GRAMD2B: variants seen among roughly 807,000 people sequenced by gnomAD.
GRAMD2B encodes the protein GRAM domain-containing protein 2B.
In GRAMD2B, 41 loss-of-function variants were observed where a neutral mutation model predicts 59.2. The ratio of observed to expected loss-of-function variants is 0.69; its 90% CI spans 0.54 to 0.90. The LOEUF is 0.90. GRAMD2B is among the 40% of genes least tolerant of loss of function. The probability of loss-of-function intolerance (pLI) is 0.00; values close to 1 mark genes in which losing one functional copy is unlikely to be tolerated. For missense variants in GRAMD2B, 424 were observed against 500.5 expected (o/e 0.85, Z 1.46); for synonymous variants, 161 against 182.7 (o/e 0.88, Z 0.96).
chr5:126,368,742 C>G (rs1237737976), upstream of GRAMD2B, among the ~76,000 whole-genome samples: 7 of 152,188 alleles, frequency 4.6e-5, no homozygotes, highest in Non-Finnish European at 7.3e-5. Flanking sequence ...GAAAATCTCA[C>G]CTTTGACACA....
At chr5:126,486,100 T>G (rs1291697248) in intron 11 of GRAMD2B, among the ~76,000 whole-genome samples, 1 of 152,228 alleles carries the variant, frequency 6.6e-6, no homozygotes, top group Non-Finnish European at 1.5e-5. Context: ...TGTAGGTATT[T>G]ATGGACTACA....
chr5:126,398,441 T>G (rs1402350633), intron 1 of GRAMD2B, among the ~76,000 whole-genome samples: 1 of 152,126 alleles, frequency 6.6e-6, no homozygotes, highest in African/African-American at 2.4e-5. Flanking sequence ...TTATGGTCCC[T>G]ATTATTTCTT....
intron 4 of GRAMD2B, 62 bp downstream of exon 4, chr5:126,472,366 G>A: frequency 1.4e-6 from 2 of 1,402,614 alleles, no homozygotes; most frequent in South Asian, 2.3e-5. Flanking sequence ...ATTAGTTTTG[G>A]GGAAGAAAAA....
At chr5:126,428,953 T>C (rs1404566434) in intron 1 of GRAMD2B, among the ~76,000 whole-genome samples, 4 of 152,176 alleles carry the variant, frequency 2.6e-5, no homozygotes, top group Non-Finnish European at 5.9e-5. Flanking sequence ...TGTAAATTAG[T>C]TTGACCATCG....
At chr5:126,471,063 A>G (rs983666136) in intron 3 of GRAMD2B, among the ~76,000 whole-genome samples, 2 of 152,176 alleles carry the variant, frequency 1.3e-5, no homozygotes, top group African/African-American at 4.8e-5. Context: ...GTTTATCTGT[A>G]AAATAGTTGA....
At chr5:126,461,779 G>A (rs973236445) in intron 1 of GRAMD2B, among the ~76,000 whole-genome samples, 1 of 152,144 alleles carries the variant, frequency 6.6e-6, no homozygotes, top group African/African-American at 2.4e-5. Flanking sequence ...CAGCCTGGGT[G>A]ACAAGAGTGA....
upstream of GRAMD2B, among the ~76,000 whole-genome samples, chr5:126,419,857 C>G (rs562590772): frequency 1.3e-5 from 2 of 152,080 alleles, no homozygotes; most frequent in Non-Finnish European, 1.5e-5. Context: ...GAGTTCGAGA[C>G]CAGCCTGGCC....
intron 13 of GRAMD2B, among the ~76,000 whole-genome samples, chr5:126,490,847 C>T (rs948945824): frequency 6.6e-6 from 1 of 152,216 alleles, no homozygotes; most frequent in African/African-American, 2.4e-5. Context: ...TTCATGGCAT[C>T]ACTGCTCTTT....
At chr5:126,421,499 G>C (rs1022339004), upstream of GRAMD2B, among the ~76,000 whole-genome samples, 1 of 152,110 alleles carries the variant, frequency 6.6e-6, no homozygotes, top group African/African-American at 2.4e-5. Flanking sequence ...CAAGCTTTCA[G>C]GTCACCCAGA....
upstream of GRAMD2B, among the ~76,000 whole-genome samples, chr5:126,421,254 A>G (rs962376218): frequency 3.9e-5 from 6 of 152,340 alleles, no homozygotes; most frequent in Admixed American, 2.6e-4. Flanking sequence ...TGTTATGTAT[A>G]TTTTACCACA....
At chr5:126,461,668 C>T (rs937567296) in intron 1 of GRAMD2B, among the ~76,000 whole-genome samples, 1 of 152,152 alleles carries the variant, frequency 6.6e-6, no homozygotes. Flanking sequence ...GACATGGTGG[C>T]AGGCACCTGT....
chr5:126,411,987 T>C (rs1758845953), intron 1 of GRAMD2B, among the ~76,000 whole-genome samples: 1 of 152,100 alleles, frequency 6.6e-6, no homozygotes, highest in Non-Finnish European at 1.5e-5. Context: ...CTAAGTCATT[T>C]TTAAGTTCCA....
At chr5:126,396,610 G>T (rs1757382308) in intron 1 of GRAMD2B, among the ~76,000 whole-genome samples, 1 of 152,084 alleles carries the variant, frequency 6.6e-6, no homozygotes, top group Non-Finnish European at 1.5e-5. Context: ...CCATGTCTTT[G>T]CTATTTTGAA....
At chr5:126,432,030 G>T (rs1173472464) in intron 1 of GRAMD2B, among the ~76,000 whole-genome samples, 5 of 152,158 alleles carry the variant, frequency 3.3e-5, no homozygotes, top group African/African-American at 1.2e-4. Context: ...CTGGGCTCAG[G>T]TGGTCCTCCC....
chr5:126,478,314 T>A lies in GRAMD2B; in HGVS notation c.582+527T>A, dbSNP rs538709661. ...TTAGCCAGGTGTGGTGGTATGTGCC[T>A]GTGATCCCAGCTACTTGGGAAGCTG... On this transcript the variant is annotated intron_variant, in intron 6 of 13. Transcript: ENST00000285689. Among the ~76,000 whole-genome samples the A allele has an allele frequency of 2.0e-5, 3 of 152,118 alleles. No homozygotes were observed. The East Asian group carries it at 5.8e-4, about 30-fold the overall frequency.
At chr5:126,437,085 G>T (rs1218751452) in intron 1 of GRAMD2B, among the ~76,000 whole-genome samples, 1 of 152,188 alleles carries the variant, frequency 6.6e-6, no homozygotes, top group East Asian at 1.9e-4. Flanking sequence ...TATCTATAAG[G>T]CACAGGGGCC....
At chr5:126,389,987 T>C (rs1756584288) in intron 1 of GRAMD2B, among the ~76,000 whole-genome samples, 2 of 152,160 alleles carry the variant, frequency 1.3e-5, no homozygotes, top group Non-Finnish European at 2.9e-5. Flanking sequence ...TTGGGAAATA[T>C]AACTATGCCA....
At chr5:126,459,755 A>G (rs962120121) in intron 1 of GRAMD2B, among the ~76,000 whole-genome samples, 7 of 152,240 alleles carry the variant, frequency 4.6e-5, no homozygotes, top group African/African-American at 1.7e-4. Context: ...TGTGCCAGCT[A>G]TTATGCTAGG....
At chr5:126,377,868 A>G (rs531320280) in intron 1 of GRAMD2B, among the ~76,000 whole-genome samples, 2 of 152,326 alleles carry the variant, frequency 1.3e-5, no homozygotes, top group South Asian at 4.1e-4. Flanking sequence ...CTAGTTTCTG[A>G]CAAATTTTTC....
Sources: gnomAD v4.1 joint callset for allele counts (sites outside exome capture counted in the v4.1 genomes callset) on GRCh38, gnomAD v4.1.1 for gene constraint, MANE v1.5 for transcripts, NCBI Gene and HGNC (gene_info 2026-07-23, HGNC 2026-07-21) for gene names.